Variants in GK5 observed in about 807,000 individuals in gnomAD.
The protein encoded by GK5 is glycerol kinase 5.
In GK5, 39 loss-of-function variants were observed where a neutral mutation model predicts 77.3. The ratio of observed to expected loss-of-function variants is 0.50; its 90% CI spans 0.39 to 0.66. GK5 has a LOEUF of 0.66. Among genes scored for constraint, GK5 ranks in the 30% least tolerant of loss-of-function variants. The probability of loss-of-function intolerance (pLI) is 0.00; values close to 1 mark genes in which losing one functional copy is unlikely to be tolerated. For missense variants in GK5, 487 were observed against 633.8 expected, an observed-to-expected ratio of 0.77 and a Z score of 2.49; for synonymous variants, 211 against 208.0, an observed-to-expected ratio of 1.01 and a Z score of -0.13.
intron 5 of GK5, among the ~76,000 whole-genome samples, chr3:142,192,052 C>G (rs1219930124): frequency 1.3e-5 from 2 of 152,102 alleles, no homozygotes; most frequent in African/African-American, 4.8e-5. Flanking sequence ...AGACACCTCA[C>G]CCAAGATATA....
At chr3:142,171,623 T>C in intron 13 of GK5, 145 bp from the exon 14 acceptor site, 1 of 634,940 alleles carries the variant, frequency 1.6e-6, no homozygotes, top group Non-Finnish European at 2.3e-6. Context: ...AGAAATAAAT[T>C]GTGCTAAATG....
At chr3:142,167,691 CA>C (rs1577102951) in intron 15 of GK5, among the ~76,000 whole-genome samples, 1 of 152,138 alleles carries the variant, frequency 6.6e-6, no homozygotes, top group Non-Finnish European at 1.5e-5. Flanking sequence ...AGATAAAACT[CA>C]AGTCACTGTG....
At chr3:142,224,690 C>T (rs952388896) in intron 1 of GK5, among the ~76,000 whole-genome samples, 9 of 152,114 alleles carry the variant, frequency 5.9e-5, no homozygotes, top group African/African-American at 2.2e-4. Flanking sequence ...TTGCCCAATA[C>T]CTCTAATATC....
rs1342546449 is a variant in GK5, at chr3:142,159,851, C to CTTTTTTTTTTTTTTTTTTTTTTTTTTTTT, written c.*5770_*5771insAAAAAAAAAAAAAAAAAAAAAAAAAAAAA. ...GCTTTCTCTCTCTCTCTCTCTCTCTCTCTTTTTTTTTTTTGAGACAGAGTC... is the reference window on the plus strand; with the variant it reads ...GCTTTCTCTCTCTCTCTCTCTCTCTCTTTTTTTTTTTTTTTTTTTTTTTTTTTTTTCTTTTTTTTTTTTGAGACAGAGTC... On this transcript the variant is annotated 3_prime_UTR_variant, in exon 16 of 16. Transcript: ENST00000392993. 4.6e-5 allele frequency: 4 copies of CTTTTTTTTTTTTTTTTTTTTTTTTTTTTT among 86,998 alleles called. No homozygotes were observed. Among genetic ancestry groups the CTTTTTTTTTTTTTTTTTTTTTTTTTTTTT allele is most frequent in the African/African-American group, 1.8e-4 (4 of 22,176 alleles). The allele number at this position is 86,998 out of a possible 1,614,324, so 5.4% of individuals were successfully genotyped here. A position where few individuals can be genotyped will look rare whatever the true frequency, so the allele number is the denominator to read the frequency against.
intron 15 of GK5, among the ~76,000 whole-genome samples, chr3:142,166,284 A>T (rs1577101675): frequency 6.6e-6 from 1 of 152,304 alleles, no homozygotes; most frequent in East Asian, 1.9e-4. Flanking sequence ...AAGAGAAAGA[A>T]ATAGGATATT....
chr3:142,175,231 A>C (rs773728479), intron 12 of GK5, among the ~76,000 whole-genome samples: 3 of 152,064 alleles, frequency 2.0e-5, no homozygotes, highest in Non-Finnish European at 2.9e-5. Context: ...CCACTCCCCA[A>C]ACCACGAGCC....
chr3:142,205,029 C>T (rs1428784601), intron 3 of GK5, among the ~76,000 whole-genome samples: 1 of 151,974 alleles, frequency 6.6e-6, no homozygotes, highest in Non-Finnish European at 1.5e-5. Context: ...AGGAAAAGGC[C>T]TTTGAAGACC....
intron 4 of GK5, among the ~76,000 whole-genome samples, chr3:142,202,030 T>C (rs906117874): frequency 2.6e-4 from 40 of 152,132 alleles, no homozygotes; most frequent in Non-Finnish European, 2.9e-5. Flanking sequence ...CCAGCCACGA[T>C]GGCAGAGAGA....
intron 14 of GK5, among the ~76,000 whole-genome samples, chr3:142,170,868 A>G (rs1305559388): frequency 6.6e-6 from 1 of 152,136 alleles, no homozygotes; most frequent in Non-Finnish European, 1.5e-5. Flanking sequence ...CCCAAATTTG[A>G]TATTGTATTA....
intron 14 of GK5, among the ~76,000 whole-genome samples, chr3:142,170,738 T>C (rs1415093896): frequency 2.0e-5 from 3 of 152,142 alleles, no homozygotes; most frequent in Non-Finnish European, 4.4e-5. Flanking sequence ...AACATAAAAA[T>C]TCACTTAGAT....
intron 15 of GK5, 86 bp downstream of exon 15, chr3:142,170,239 T>C (rs752893361): frequency 1.7e-5 from 24 of 1,400,492 alleles, no homozygotes; most frequent in Non-Finnish European, 2.2e-5. Flanking sequence ...CCAGACTCTC[T>C]AGAATTTTGT....
rs1577130584 is a variant in GK5 at position 142,195,152 on chromosome 3, A to C, written c.543+3650T>G. ...GTGTTTTTTTGTCCTTTATTCTATT[A>C]ATATGGTGTATATTAATTTTCTATT... On this transcript the variant is annotated intron_variant, in intron 5 of 15. Coordinates refer to ENST00000392993, the MANE Select transcript of GK5 (RefSeq NM_001039547.3). Among the ~76,000 whole-genome samples, 3 of 152,060 alleles carry C rather than the reference A, an allele frequency of 2.0e-5. No individual in the cohort carries two copies. In the South Asian group the frequency reaches 6.2e-4, roughly 32 times the overall value.
Position 142,225,406 on chromosome 3 carries a change from T to A in GK5, c.50A>T (p.Tyr17Phe). 6.3e-7 allele frequency: 1 copy of A among 1,599,604 alleles called. No homozygotes were observed. Among genetic ancestry groups the A allele is most frequent in the African/African-American group, 1.3e-5 (1 of 74,344 alleles). Residue 17 changes from tyrosine (Y) to phenylalanine (F), a missense_variant, in exon 1 of 16, where the codon TAC (tyrosine) becomes TTC (phenylalanine). This residue lies in a region of GK5 where 97 missense variants were observed against 86.9 expected (regional missense o/e 1.12). Transcript: ENST00000392993. ...ATCCAGCCCCAGCACGAAGCCGGGGTACCGCGGCTCCTGCGCTCTCTGCTC... is the reference window on the plus strand; with the variant it reads ...ATCCAGCCCCAGCACGAAGCCGGGGAACCGCGGCTCCTGCGCTCTCTGCTC... ...DPEQRAQEPR[Y>F]PGFVLGLDVG...
intron 1 of GK5, among the ~76,000 whole-genome samples, chr3:142,222,956 TA>T (rs2064373468): frequency 1.3e-5 from 2 of 152,378 alleles, no homozygotes; most frequent in South Asian, 4.1e-4. Flanking sequence ...AGTACTGCTA[TA>T]AACTCCTACC....
At chr3:142,206,223 T>C (rs952889147) in intron 3 of GK5, among the ~76,000 whole-genome samples, 1 of 152,224 alleles carries the variant, frequency 6.6e-6, no homozygotes, top group Non-Finnish European at 1.5e-5. Flanking sequence ...TGCTTTAATA[T>C]TGTTGTGAAG....
At chr3:142,198,998 TC>T in intron 4 of GK5, 65 bp from the exon 5 acceptor site, 1 of 1,186,956 alleles carries the variant, frequency 8.4e-7, no homozygotes, top group Non-Finnish European at 1.2e-6. Context: ...CCACATCAAT[TC>T]TATATACATG....
In GK5 at chr3:142,165,776, G is replaced by C; in HGVS notation, c.1442-6C>G. On this transcript the variant is annotated splice_polypyrimidine_tract_variant and splice_region_variant and intron_variant, in intron 15 of 15. Coordinates refer to ENST00000392993, the MANE Select transcript of GK5 (RefSeq NM_001039547.3). ...CTCCTTGTCAGTCCAAAACCCTATA[G>C]ATAAAAAAATTATCCTCAAATTTTA... 1 of 1,559,656 alleles carries C rather than the reference G, an allele frequency of 6.4e-7. No homozygotes were observed. Among genetic ancestry groups the C allele is most frequent in the South Asian group, 1.2e-5 (1 of 81,764 alleles).
chr3:142,196,610 T>C (rs912303404), intron 5 of GK5, among the ~76,000 whole-genome samples: 4 of 152,162 alleles, frequency 2.6e-5, no homozygotes, highest in Non-Finnish European at 5.9e-5. Context: ...TTAATCTTCA[T>C]ATATTTTTGA....
In GK5 at chr3:142,158,544, T is replaced by G. The variant is rs1261705901; in HGVS notation, c.*7078A>C. On this transcript the variant is annotated 3_prime_UTR_variant, in exon 16 of 16. Transcript: ENST00000392993. ...GTGGATCCTTGATTTTTTGTATAGATCTTAACAATGATTTATGAGGTTCTC... is the reference window on the plus strand; with the variant it reads ...GTGGATCCTTGATTTTTTGTATAGAGCTTAACAATGATTTATGAGGTTCTC... 6.6e-6 allele frequency: 1 copy of G among 152,630 alleles called. No homozygotes were observed. The highest frequency in any genetic ancestry group is 6.5e-5 in the Admixed American group (1 of 15,282). The allele number at this position is 152,630 out of a possible 1,614,324, so 9.5% of individuals were successfully genotyped here.
Sources: allele counts gnomAD v4.1 joint callset (sites outside exome capture counted in the v4.1 genomes callset), GRCh38; gene constraint gnomAD v4.1.1; regional missense constraint gnomAD v4.1.1; transcripts MANE v1.5; gene names NCBI Gene and HGNC (gene_info 2026-07-23, HGNC 2026-07-21).